Variants in LIMD1 observed in about 807,000 individuals in gnomAD.
The protein encoded by LIMD1 is LIM domain-containing protein 1.
In LIMD1, 23 loss-of-function variants were observed where a neutral mutation model predicts 58.4. That is an observed-to-expected ratio of 0.39 (90% CI 0.28 to 0.56). The LOEUF is 0.56. LIMD1 is among the 20% of genes least tolerant of loss of function. The probability of loss-of-function intolerance (pLI) is 0.57; values close to 1 mark genes in which losing one functional copy is unlikely to be tolerated. For synonymous variants in LIMD1, 334 were observed against 345.5 expected, an observed-to-expected ratio of 0.97 and a Z score of 0.37; for missense variants, 838 against 855.5, an observed-to-expected ratio of 0.98 and a Z score of 0.25.
chr3:45,665,653 G>T lies in LIMD1; in HGVS notation c.1514G>T (p.Arg505Leu). ...GTGTTTGTGATTTTTTCCTTAGGCC[G>T]GAAGCTGAGAGGAAAAGCCTTTTAT... ...DTCFTCAACSRKLRGKAFYFV... is the reference protein window; with the variant it reads ...DTCFTCAACSLKLRGKAFYFV... Residue 505 changes from arginine to leucine, a missense_variant, in exon 3 of 8, where the codon CGG becomes CTG. Coordinates refer to ENST00000273317, the MANE Select transcript of LIMD1 (RefSeq NM_014240.3). 1 of 1,613,582 alleles carries T rather than the reference G, an allele frequency of 6.2e-7. No homozygotes were observed. Among genetic ancestry groups the T allele is most frequent in the Non-Finnish European group, 8.5e-7 (1 of 1,179,666 alleles).
intron 1 of LIMD1, among the ~76,000 whole-genome samples, chr3:45,600,492 T>C (rs1470185516): frequency 6.6e-6 from 1 of 152,182 alleles, no homozygotes; most frequent in South Asian, 2.1e-4. Context: ...TCTCTTTCCC[T>C]ACTCTGCTGG....
intron 2 of LIMD1, among the ~76,000 whole-genome samples, chr3:45,662,280 T>A (rs1444047816): frequency 3.3e-5 from 5 of 151,424 alleles, no homozygotes; most frequent in Admixed American, 6.6e-5. Flanking sequence ...CACCTAAGTG[T>A]GTGTGTGTGT....
intron 4 of LIMD1, 83 bp downstream of exon 4, chr3:45,668,439 A>G: frequency 9.1e-7 from 1 of 1,096,062 alleles, no homozygotes; most frequent in East Asian, 2.5e-5. Context: ...ATAATTGAGG[A>G]CAGTGTTTCT....
At chr3:45,610,610 G>A (rs563925569) in intron 1 of LIMD1, among the ~76,000 whole-genome samples, 41 of 152,278 alleles carry the variant, frequency 2.7e-4, no homozygotes, top group African/African-American at 9.1e-4. Flanking sequence ...AGCCTAATAA[G>A]CACGTGGGCT....
At chr3:45,670,047 A>C (rs923101751) in intron 4 of LIMD1, among the ~76,000 whole-genome samples, 3 of 152,160 alleles carry the variant, frequency 2.0e-5, no homozygotes, top group Non-Finnish European at 4.4e-5. Context: ...CCATGTCCTC[A>C]TTAGTAGCCA....
intron 4 of LIMD1, among the ~76,000 whole-genome samples, chr3:45,672,474 G>A (rs1228319229): frequency 2.0e-5 from 3 of 152,184 alleles, no homozygotes; most frequent in Non-Finnish European, 2.9e-5. Flanking sequence ...AGAGGCTGCA[G>A]GAGAAGGATT....
chr3:45,685,401 A>G lies in LIMD1; in HGVS notation c.*8342A>G, dbSNP rs1697798348. The G allele has an allele frequency of 1.3e-5, 2 of 152,216 alleles. No individual in the cohort carries two copies. The highest frequency in any genetic ancestry group is 2.9e-5 in the Non-Finnish European group (2 of 68,040). 9.4% of individuals were successfully genotyped at this position (152,216 alleles called of 1,614,324 possible). A position where few individuals can be genotyped will look rare whatever the true frequency, so the allele number is the denominator to read the frequency against. ...TGCCTCTCTTAGTTCCTTCTACATGACAATGGGTGGCAGTTGCTCATATGG... is the reference window on the plus strand; with the variant it reads ...TGCCTCTCTTAGTTCCTTCTACATGGCAATGGGTGGCAGTTGCTCATATGG... On this transcript the variant is annotated 3_prime_UTR_variant, in exon 8 of 8. Transcript: ENST00000273317.
intron 1 of LIMD1, among the ~76,000 whole-genome samples, chr3:45,613,585 T>G (rs1332186057): frequency 6.6e-6 from 1 of 152,020 alleles, no homozygotes; most frequent in African/African-American, 2.4e-5. Context: ...TTGAGGTTTT[T>G]TTTTTTTTTT....
At chr3:45,670,329 A>G (rs907779372) in intron 4 of LIMD1, among the ~76,000 whole-genome samples, 2 of 152,146 alleles carry the variant, frequency 1.3e-5, no homozygotes, top group African/African-American at 4.8e-5. Context: ...TCATTTATCT[A>G]TTGCTGCATG....
chr3:45,647,618 C>T (rs944163806), intron 2 of LIMD1, among the ~76,000 whole-genome samples: 13 of 152,182 alleles, frequency 8.5e-5, no homozygotes, highest in African/African-American at 2.9e-4. Context: ...TTGGGCAGAG[C>T]GTCTCTGTCT....
At chr3:45,645,167 C>G (rs11706765) in intron 2 of LIMD1, among the ~76,000 whole-genome samples, 2 of 151,936 alleles carry the variant, frequency 1.3e-5, no homozygotes, top group African/African-American at 2.4e-5. Flanking sequence ...CTGCAGGGAT[C>G]GGAAGAGAGT....
intron 2 of LIMD1, 152 bp downstream of exon 2, chr3:45,636,403 G>A: frequency 1.6e-6 from 1 of 623,280 alleles, no homozygotes; most frequent in Non-Finnish European, 2.8e-6. Context: ...TTACAGCAGG[G>A]TTTCTTACCA....
chr3:45,618,633 AC>A (rs1375814675), intron 1 of LIMD1, among the ~76,000 whole-genome samples: 4 of 152,158 alleles, frequency 2.6e-5, no homozygotes, highest in Non-Finnish European at 5.9e-5. Context: ...TTTATGGGGC[AC>A]CTCTGTGCCA....
intron 1 of LIMD1, among the ~76,000 whole-genome samples, chr3:45,602,953 G>A (rs2125648283): frequency 6.6e-6 from 1 of 151,946 alleles, no homozygotes; most frequent in East Asian, 1.9e-4. Context: ...CGATTCTCCT[G>A]CCTCAGCCTC....
At chr3:45,649,407 C>T (rs762875698) in intron 2 of LIMD1, among the ~76,000 whole-genome samples, 14 of 151,042 alleles carry the variant, frequency 9.3e-5, no homozygotes, top group East Asian at 1.9e-4. Context: ...TTTGGCTGGG[C>T]GCGGTGGCTC....
At position 45,685,562 on chromosome 3, in the gene LIMD1, G is replaced by C. The variant is rs140942567; in HGVS notation, c.*8503G>C. 2.5e-4 allele frequency: 38 copies of C among 152,342 alleles called. No individual in the cohort carries two copies. The East Asian group carries it at 6.8e-3, about 27-fold the overall frequency. 9.4% of individuals were successfully genotyped at this position (152,342 alleles called of 1,614,324 possible). On this transcript the variant is annotated 3_prime_UTR_variant, in exon 8 of 8. Coordinates refer to ENST00000273317, the MANE Select transcript of LIMD1 (RefSeq NM_014240.3). The stretch of plus-strand genomic sequence containing the variant: ...TAAGGACTAGAAATGGGGTCTTCTT[G>C]TTGCTAATTAGTAGGGGTGAGGGGT...
intron 2 of LIMD1, among the ~76,000 whole-genome samples, chr3:45,638,646 T>C (rs996744066): frequency 6.6e-6 from 1 of 152,228 alleles, no homozygotes; most frequent in African/African-American, 2.4e-5. Flanking sequence ...AGATGTACTT[T>C]TCTTTGCATA....
chr3:45,643,149 A>G (rs1298925830), intron 2 of LIMD1, among the ~76,000 whole-genome samples: 1 of 152,148 alleles, frequency 6.6e-6, no homozygotes, highest in Non-Finnish European at 1.5e-5. Context: ...GAGGAAAAAC[A>G]CGCTGACTTG....
chr3:45,680,765 C>A lies in LIMD1; in HGVS notation c.*3706C>A, dbSNP rs1323875658. ...GTGGCTCACGCCTGTAATCCCAGCACTTTGAGAGGCTGAGGCGGGTGGATC... is the reference window on the plus strand; with the variant it reads ...GTGGCTCACGCCTGTAATCCCAGCAATTTGAGAGGCTGAGGCGGGTGGATC... On this transcript the variant is annotated 3_prime_UTR_variant, in exon 8 of 8. Coordinates refer to ENST00000273317, the MANE Select transcript of LIMD1 (RefSeq NM_014240.3). 1 of 151,962 alleles carries A rather than the reference C, an allele frequency of 6.6e-6. No homozygotes were observed. 9.4% of individuals were successfully genotyped at this position (151,962 alleles called of 1,614,324 possible).
Sources: allele counts gnomAD v4.1 joint callset (sites outside exome capture counted in the v4.1 genomes callset), GRCh38; gene constraint gnomAD v4.1.1; transcripts MANE v1.5; gene names NCBI Gene and HGNC (gene_info 2026-07-23, HGNC 2026-07-21).